SPOPL: variants seen among roughly 807,000 people sequenced by gnomAD.
SPOPL encodes the protein speckle-type POZ protein-like.
SPOPL carries 23 observed loss-of-function variants against 53.8 expected under a neutral mutation model. The observed-to-expected ratio is 0.43, with a 90% confidence interval of 0.31 to 0.61. SPOPL has a LOEUF of 0.61. Among genes scored for constraint, SPOPL ranks in the 20% least tolerant of loss-of-function variants. SPOPL has a pLI of 0.12. For synonymous variants in SPOPL, 164 were observed against 149.7 expected, an observed-to-expected ratio of 1.10 and a Z score of -0.70; for missense variants, 442 against 466.9, an observed-to-expected ratio of 0.95 and a Z score of 0.49.
intron 1 of SPOPL, among the ~76,000 whole-genome samples, chr2:138,539,642 G>A (rs1685021485): frequency 6.6e-6 from 1 of 152,070 alleles, no homozygotes; most frequent in African/African-American, 2.4e-5. Flanking sequence ...TGTAGATTCT[G>A]AATATTAGCC....
rs1685736990 is a variant in SPOPL, at chr2:138,569,605, A to T, written c.*525A>T. The T allele has an allele frequency of 6.6e-6, 1 of 152,258 alleles. No homozygotes were observed. Among genetic ancestry groups the T allele is most frequent in the African/African-American group, 2.4e-5 (1 of 41,434 alleles). 9.4% of individuals were successfully genotyped at this position (152,258 alleles called of 1,614,324 possible). A position where few individuals can be genotyped will look rare whatever the true frequency, so the allele number is the denominator to read the frequency against. On this transcript the variant is annotated 3_prime_UTR_variant, in exon 11 of 11. Coordinates refer to ENST00000280098, the MANE Select transcript of SPOPL (RefSeq NM_001001664.3). ...TCTTACCTTCAAGGTAAGTTATGGC[A>T]ATACACTGCTTCAATTCTAATTTAT...
In SPOPL at chr2:138,571,437, A is replaced by C. The variant is rs753874520; in HGVS notation, c.*2357A>C. ...TAGCACATTTTGTACCAAAAATGTCAAACACTGTGCTGTAAGAATATCCAT... is the reference window on the plus strand; with the variant it reads ...TAGCACATTTTGTACCAAAAATGTCCAACACTGTGCTGTAAGAATATCCAT... On this transcript the variant is annotated 3_prime_UTR_variant, in exon 11 of 11. Transcript: ENST00000280098. 4.6e-5 allele frequency: 7 copies of C among 152,552 alleles called. No homozygotes were observed. Among genetic ancestry groups the C allele is most frequent in the Non-Finnish European group, 8.8e-5 (6 of 68,006 alleles). The allele number at this position is 152,552 out of a possible 1,614,324, so 9.4% of individuals were successfully genotyped here. A position where few individuals can be genotyped will look rare whatever the true frequency, so the allele number is the denominator to read the frequency against.
intron 1 of SPOPL, among the ~76,000 whole-genome samples, chr2:138,548,496 C>G (rs1331295170): frequency 6.6e-6 from 1 of 151,892 alleles, no homozygotes; most frequent in East Asian, 1.9e-4. Context: ...TTTATATTCC[C>G]ACAAGAAAAG....
Position 138,564,744 on chromosome 2 carries a change from G to C in SPOPL, c.874G>C (p.Ala292Pro). The C allele has an allele frequency of 1.2e-6, 2 of 1,614,174 alleles. No individual in the cohort carries two copies. Among genetic ancestry groups the C allele is most frequent in the Non-Finnish European group, 1.7e-6 (2 of 1,180,016 alleles). Residue 292 changes from alanine to proline, a missense_variant, in exon 9 of 11, where the codon GCT (alanine) becomes CCT (proline). Coordinates refer to ENST00000280098, the MANE Select transcript of SPOPL (RefSeq NM_001001664.3). Reference sequence around the variant, plus strand: ...ACGGCTGAAGGTCATGTGCGAAGAAGCTTTGTGTAGTAACCTCTCAGTAGA... The same window carrying C: ...ACGGCTGAAGGTCATGTGCGAAGAACCTTTGTGTAGTAACCTCTCAGTAGA... ...LERLKVMCEE[A>P]LCSNLSVENV... is the part of the protein sequence containing the mutation.
intron 1 of SPOPL, among the ~76,000 whole-genome samples, chr2:138,545,048 A>G (rs1048343441): frequency 1.3e-5 from 2 of 152,292 alleles, no homozygotes; most frequent in East Asian, 1.9e-4. Flanking sequence ...CTAGGTGGCT[A>G]TAACTAATAC....
At chr2:138,539,587 T>A (rs1233118602) in intron 1 of SPOPL, among the ~76,000 whole-genome samples, 2 of 112,620 alleles carry the variant, frequency 1.8e-5, no homozygotes, top group East Asian at 4.5e-4. Flanking sequence ...AGCCACTTTT[T>A]GATGGGGTTG....
chr2:138,520,044 T>A (rs1684522985), intron 1 of SPOPL, among the ~76,000 whole-genome samples: 1 of 152,172 alleles, frequency 6.6e-6, no homozygotes. Context: ...CTTAAAGAGA[T>A]AAGGTTAAAT....
At chr2:138,511,555 T>A (rs1279537593) in intron 1 of SPOPL, among the ~76,000 whole-genome samples, 1 of 152,238 alleles carries the variant, frequency 6.6e-6, no homozygotes, top group Non-Finnish European at 1.5e-5. Flanking sequence ...GAGGTATAGA[T>A]AATACCATAA....
chr2:138,534,224 A>G (rs1379298754), intron 1 of SPOPL, among the ~76,000 whole-genome samples: 1 of 152,198 alleles, frequency 6.6e-6, no homozygotes, highest in Non-Finnish European at 1.5e-5. Flanking sequence ...GACCCTCTGT[A>G]TCCACCGATT....
At chr2:138,536,817 T>A (rs1246548621) in intron 1 of SPOPL, among the ~76,000 whole-genome samples, 2 of 152,224 alleles carry the variant, frequency 1.3e-5, no homozygotes, top group African/African-American at 4.8e-5. Flanking sequence ...AAAAGCAGTC[T>A]GCTTTATGGT....
chr2:138,564,812 A>G lies in SPOPL; in HGVS notation c.942A>G (p.Ala314=), dbSNP rs764848675. ...TTGTCCTTGCAGATTTGCACAGTGCAGAACAGTTGAAAGCACAAGCCATAG... is the reference window on the plus strand; with the variant it reads ...TTGTCCTTGCAGATTTGCACAGTGCGGAACAGTTGAAAGCACAAGCCATAG... ...DTLVLADLHS[A]EQLKAQAIDF... Residue 314 remains alanine (A), a synonymous_variant, in exon 9 of 11, where the codon GCA becomes GCG. Transcript: ENST00000280098. The G allele has an allele frequency of 5.6e-5, 91 of 1,614,102 alleles. No homozygotes were observed. Among genetic ancestry groups the G allele is most frequent in the Non-Finnish European group, 7.0e-5 (83 of 1,180,034 alleles).
intron 1 of SPOPL, among the ~76,000 whole-genome samples, chr2:138,510,181 C>A (rs894439251): frequency 6.6e-6 from 1 of 152,188 alleles, no homozygotes; most frequent in African/African-American, 2.4e-5. Flanking sequence ...CTGCTATGAA[C>A]AACCTTATGC....
At chr2:138,549,683 C>T (rs547118112) in intron 1 of SPOPL, among the ~76,000 whole-genome samples, 1 of 152,044 alleles carries the variant, frequency 6.6e-6, no homozygotes, top group Non-Finnish European at 1.5e-5. Flanking sequence ...GTATTCATTG[C>T]CTGTTACATT....
chr2:138,560,705 G>T (rs1685526505), intron 7 of SPOPL, 100 bp from the exon 8 acceptor site: 1 of 1,290,626 alleles, frequency 7.7e-7, no homozygotes, highest in Non-Finnish European at 1.1e-6. Context: ...CTATTTTAGT[G>T]TAGATTTAGG....
intron 5 of SPOPL, among the ~76,000 whole-genome samples, chr2:138,558,531 C>A (rs939381137): frequency 6.6e-6 from 1 of 151,994 alleles, no homozygotes; most frequent in African/African-American, 2.4e-5. Context: ...TTAAAAACTT[C>A]TCAATTTGCA....
chr2:138,546,229 AAGT>A (rs1432460139), intron 1 of SPOPL, among the ~76,000 whole-genome samples: 1 of 152,220 alleles, frequency 6.6e-6, no homozygotes, highest in African/African-American at 2.4e-5. Flanking sequence ...TAATAAGTAA[AAGT>A]AGGAAATATC....
At chr2:138,537,715 G>C (rs972448898) in intron 1 of SPOPL, among the ~76,000 whole-genome samples, 11 of 152,192 alleles carry the variant, frequency 7.2e-5, no homozygotes, top group African/African-American at 1.9e-4. Flanking sequence ...CACCAGTCTA[G>C]AGTGGAGTTT....
At chr2:138,533,211 A>G (rs1189835731) in intron 1 of SPOPL, among the ~76,000 whole-genome samples, 1 of 152,214 alleles carries the variant, frequency 6.6e-6, no homozygotes, top group East Asian at 1.9e-4. Flanking sequence ...CACAGAATTC[A>G]TGGCAAAGCA....
At position 138,571,288 on chromosome 2, in the gene SPOPL, A is replaced by G. The variant is rs956217464; in HGVS notation, c.*2208A>G. ...GATTTAATTCACCGCTTGAATCTAT[A>G]TTTCTAACCACAGTGACTTCAGTAA... On this transcript the variant is annotated 3_prime_UTR_variant, in exon 11 of 11. Transcript: ENST00000280098. The G allele has an allele frequency of 1.3e-5, 2 of 152,536 alleles. No homozygotes were observed. Among genetic ancestry groups the G allele is most frequent in the Non-Finnish European group, 2.9e-5 (2 of 68,014 alleles). The allele number at this position is 152,536 out of a possible 1,614,324, so 9.4% of individuals were successfully genotyped here. A position where few individuals can be genotyped will look rare whatever the true frequency, so the allele number is the denominator to read the frequency against.
Sources: allele counts gnomAD v4.1 joint callset (sites outside exome capture counted in the v4.1 genomes callset), GRCh38; gene constraint gnomAD v4.1.1; transcripts MANE v1.5; gene names NCBI Gene and HGNC (gene_info 2026-07-23, HGNC 2026-07-21).